ZFAT: variants seen among roughly 807,000 people sequenced by gnomAD.
ZFAT encodes zinc finger protein ZFAT.
Under a neutral mutation model 117.7 loss-of-function variants are expected in ZFAT, and 64 were observed. The observed-to-expected ratio is 0.54, with a 90% CI of 0.44 to 0.67. ZFAT has a LOEUF of 0.67. Ranked by LOEUF, ZFAT falls within the 30% of genes least tolerant of loss-of-function variation. The probability of loss-of-function intolerance (pLI) is 0.00; values close to 1 mark genes in which losing one functional copy is unlikely to be tolerated. For synonymous variants in ZFAT, 679 were observed against 615.0 expected, an observed-to-expected ratio of 1.10 and a Z score of -1.54; for missense variants, 1,433 against 1,584.5, an observed-to-expected ratio of 0.90 and a Z score of 1.62.
chr8:134,826,430 T>TA, the ZFAT span, among the ~76,000 whole-genome samples: 3 of 152,174 alleles, frequency 2.0e-5, no homozygotes, highest in African/African-American at 4.8e-5. Flanking sequence ...CAGAAACATG[T>TA]AAAAAATCCT....
intron 15 of ZFAT, among the ~76,000 whole-genome samples, chr8:134,487,822 AGC>A (rs2130092187): frequency 6.6e-6 from 1 of 152,366 alleles, no homozygotes; most frequent in East Asian, 1.9e-4. Context: ...GATCCCAGCT[AGC>A]ACTTCATGCC....
chr8:134,824,325 T>C, the ZFAT span, among the ~76,000 whole-genome samples: 24 of 152,262 alleles, frequency 1.6e-4, no homozygotes, highest in African/African-American at 5.1e-4. Flanking sequence ...AAGTTGGAGC[T>C]AGGGAAAGAA....
chr8:134,771,445 C>G, the ZFAT span, among the ~76,000 whole-genome samples: 1 of 152,208 alleles, frequency 6.6e-6, no homozygotes, highest in Non-Finnish European at 1.5e-5. Flanking sequence ...CCACAGATCT[C>G]TAGGGCAGGG....
At position 134,478,464 on chromosome 8, in the gene ZFAT, T is replaced by A. The variant is rs747109442; in HGVS notation, c.*18A>T. On this transcript the variant is annotated 3_prime_UTR_variant, in exon 16 of 16. Transcript: ENST00000377838. The surrounding 1 kb of genome is among the most constrained non-coding windows in gnomAD (Gnocchi z 5.2). ...GCCTGGCAGCCCCGCCCTGTGGCCA[T>A]CCGATGCCACATGTCCTCTAGAGTT... 1.3e-6 allele frequency: 2 copies of A among 1,550,802 alleles called. No individual in the cohort carries two copies.
chr8:134,787,935 G>T, the ZFAT span, among the ~76,000 whole-genome samples: 3 of 152,036 alleles, frequency 2.0e-5, no homozygotes, highest in Non-Finnish European at 2.9e-5. Flanking sequence ...TGTATTCAGT[G>T]ACCTTGATAA....
At chr8:134,644,575 CAT>C (rs1830769340) in intron 2 of ZFAT, among the ~76,000 whole-genome samples, 1 of 151,166 alleles carries the variant, frequency 6.6e-6, no homozygotes, top group East Asian at 2.0e-4. Flanking sequence ...TACACAACCA[CAT>C]ACACAACCCA....
chr8:134,681,957 G>A (rs938937153), intron 1 of ZFAT, among the ~76,000 whole-genome samples: 1 of 152,182 alleles, frequency 6.6e-6, no homozygotes, highest in East Asian at 1.9e-4. Context: ...ACTCAGGTTA[G>A]AACAAACATT....
the ZFAT span, chr8:134,723,445 A>G: frequency 6.6e-6 from 1 of 152,228 alleles, no homozygotes; most frequent in Non-Finnish European, 1.5e-5. Context: ...ACCTCGCCTC[A>G]CCCCAGGCCT....
At chr8:134,543,800 C>T (rs2130647935) in intron 11 of ZFAT, among the ~76,000 whole-genome samples, 1 of 152,256 alleles carries the variant, frequency 6.6e-6, no homozygotes, top group Non-Finnish European at 1.5e-5. Context: ...CCATTCATTC[C>T]AAGCAATGCA....
chr8:134,646,685 A>G (rs1830916797), intron 2 of ZFAT, among the ~76,000 whole-genome samples: 1 of 152,166 alleles, frequency 6.6e-6, no homozygotes, highest in East Asian at 1.9e-4. Context: ...GAGAGGCCAC[A>G]AATGAATTAA....
intron 13 of ZFAT, 74 bp from the exon 14 acceptor site, chr8:134,512,675 T>G (rs867536259): frequency 1.3e-6 from 2 of 1,548,384 alleles, no homozygotes; most frequent in Middle Eastern, 4.6e-4. Flanking sequence ...GATAACATAC[T>G]AAGATAGAAC....
chr8:134,479,862 G>A (rs1817168561), intron 15 of ZFAT, among the ~76,000 whole-genome samples: 1 of 152,124 alleles, frequency 6.6e-6, no homozygotes, highest in East Asian at 1.9e-4. Context: ...GTTCTTCAGA[G>A]GATTCGTGGG....
the ZFAT span, among the ~76,000 whole-genome samples, chr8:134,780,913 T>C: frequency 1.3e-5 from 2 of 152,218 alleles, no homozygotes; most frequent in Non-Finnish European, 2.9e-5. Flanking sequence ...TAATGCTTTT[T>C]TCCCTTTGCA....
chr8:134,651,473 T>C (rs1462879792), intron 2 of ZFAT, among the ~76,000 whole-genome samples: 5 of 152,252 alleles, frequency 3.3e-5, no homozygotes, highest in Non-Finnish European at 5.9e-5. Flanking sequence ...GTAGAAGTTG[T>C]ACAATCTTGT....
At chr8:134,488,158 G>A (rs941242450) in intron 15 of ZFAT, among the ~76,000 whole-genome samples, 2 of 152,220 alleles carry the variant, frequency 1.3e-5, no homozygotes, top group Non-Finnish European at 2.9e-5. Context: ...GGCACCTCAC[G>A]GCCCAGATGC....
intron 15 of ZFAT, among the ~76,000 whole-genome samples, chr8:134,489,739 T>C (rs775533226): frequency 6.6e-6 from 1 of 152,226 alleles, no homozygotes; most frequent in Non-Finnish European, 1.5e-5. Flanking sequence ...AATGTATGTC[T>C]AGACCAAACC....
chr8:134,605,127 C>T (rs999985154), intron 5 of ZFAT, among the ~76,000 whole-genome samples: 2 of 152,114 alleles, frequency 1.3e-5, no homozygotes, highest in Non-Finnish European at 2.9e-5. Context: ...TCCATCTGAC[C>T]CTTAAGTCCA....
At chr8:134,541,616 G>T (rs996081402) in intron 11 of ZFAT, among the ~76,000 whole-genome samples, 2 of 152,182 alleles carry the variant, frequency 1.3e-5, no homozygotes, top group African/African-American at 4.8e-5. Context: ...AGGAAAGGAG[G>T]AAAGGAAGAA....
upstream of ZFAT, among the ~76,000 whole-genome samples, chr8:134,714,156 T>C (rs558587689): frequency 8.8e-5 from 11 of 125,212 alleles, no homozygotes. Context: ...TTCAGGAGAC[T>C]GAAGTTTGGG....
Sources: gnomAD v4.1 joint callset for allele counts (sites outside exome capture counted in the v4.1 genomes callset) on GRCh38, gnomAD v4.1.1 for gene constraint, Gnocchi (gnomAD v3.1) non-coding constraint, MANE v1.5 for transcripts, NCBI Gene and HGNC (gene_info 2026-07-23, HGNC 2026-07-21) for gene names.